RTN1: variants seen among roughly 807,000 people sequenced by gnomAD.
RTN1 encodes the protein reticulon 1.
RTN1 carries 25 observed loss-of-function variants against 65.5 expected under a neutral mutation model. The observed-to-expected ratio is 0.38, with a 90% confidence interval of 0.28 to 0.53. The LOEUF (loss-of-function observed/expected upper bound fraction) is 0.53. RTN1 is among the 20% of genes least tolerant of loss of function. The probability of loss-of-function intolerance (pLI) is 0.79; values close to 1 mark genes in which losing one functional copy is unlikely to be tolerated. For synonymous variants in RTN1, 471 were observed against 447.6 expected, an observed-to-expected ratio of 1.05 and a Z score of -0.66; for missense variants, 983 against 1,025.4, an observed-to-expected ratio of 0.96 and a Z score of 0.57.
intron 1 of RTN1, among the ~76,000 whole-genome samples, chr14:59,770,781 G>A (rs148831780): frequency 6.6e-5 from 10 of 152,192 alleles, no homozygotes; most frequent in Admixed American, 3.9e-4. Flanking sequence ...TTGGCCGGGC[G>A]CAATGGCTCA....
chr14:59,693,402 AC>A (rs1205605709), intron 3 of RTN1, among the ~76,000 whole-genome samples: 1 of 152,096 alleles, frequency 6.6e-6, no homozygotes, highest in Non-Finnish European at 1.5e-5. Flanking sequence ...GTGTTTGGTT[AC>A]ATGAATAAGA....
At chr14:59,700,475 C>G (rs1487871241) in intron 3 of RTN1, among the ~76,000 whole-genome samples, 8 of 152,120 alleles carry the variant, frequency 5.3e-5, no homozygotes, top group Non-Finnish European at 1.0e-4. Flanking sequence ...ATTTCACTTA[C>G]TACAAAGCTA....
At chr14:59,724,473 G>A (rs991877059) in intron 3 of RTN1, among the ~76,000 whole-genome samples, 15 of 152,208 alleles carry the variant, frequency 9.9e-5, no homozygotes, top group African/African-American at 3.4e-4. Flanking sequence ...AAGCTTCAGT[G>A]GACAAGAGCA....
At chr14:59,709,133 C>T (rs553833969) in intron 3 of RTN1, among the ~76,000 whole-genome samples, 38 of 151,708 alleles carry the variant, frequency 2.5e-4, no homozygotes, top group African/African-American at 9.2e-4. Flanking sequence ...AAGAAAATGT[C>T]CTATTTTTAG....
At chr14:59,744,983 A>G (rs1415150224) in intron 2 of RTN1, among the ~76,000 whole-genome samples, 1 of 152,216 alleles carries the variant, frequency 6.6e-6, no homozygotes, top group East Asian at 1.9e-4. Context: ...CGAAATATTG[A>G]ACGATGAAGG....
intron 2 of RTN1, among the ~76,000 whole-genome samples, chr14:59,736,213 A>G (rs1884998695): frequency 6.6e-6 from 1 of 152,036 alleles, no homozygotes; most frequent in Non-Finnish European, 1.5e-5. Context: ...GACATGAAAA[A>G]CCCTTTAAAA....
intron 3 of RTN1, among the ~76,000 whole-genome samples, chr14:59,723,683 T>TAAG (rs773184835): frequency 5.8e-4 from 88 of 152,302 alleles, no homozygotes; most frequent in Middle Eastern, 3.4e-3. Flanking sequence ...TTAAAGTGTA[T>TAAG]AAGAATCACA....
rs58662884 is a variant in RTN1 at position 59,845,913 on chromosome 14, GA to G, written c.241+24476del. On this transcript the variant is annotated intron_variant, in intron 1 of 8. Transcript: ENST00000267484. ...ATTCTACATAGAACATGCTAGAGGA[GA>G]AAAAAAAAATCCTAAATTCCAGCAT... Among the ~76,000 whole-genome samples the G allele has an allele frequency of 2.0e-3, 295 of 148,950 alleles. 4 individuals are homozygous for G. Among genetic ancestry groups the G allele is most frequent in the Admixed American group, 9.4e-4 (14 of 14,960 alleles).
chr14:59,762,613 T>C (rs141644546), intron 1 of RTN1, among the ~76,000 whole-genome samples: 80 of 152,330 alleles, frequency 5.3e-4, no homozygotes, highest in Non-Finnish European at 9.1e-4. Context: ...TGTGGCAGGC[T>C]TCTTAAGCTA....
chr14:59,668,696 T>C (rs186462963), intron 3 of RTN1, among the ~76,000 whole-genome samples: 184 of 152,238 alleles, frequency 1.2e-3, no homozygotes, highest in African/African-American at 4.2e-3. Flanking sequence ...ATTTTTGCAA[T>C]CTACCCATCT....
At chr14:59,726,789 AC>A in intron 3 of RTN1, 129 bp downstream of exon 3, 1 of 783,200 alleles carries the variant, frequency 1.3e-6, no homozygotes, top group Non-Finnish European at 2.0e-6. Context: ...CCCCCCTGGA[AC>A]CGTTCTCTGG....
intron 3 of RTN1, among the ~76,000 whole-genome samples, chr14:59,644,744 G>A (rs1422129720): frequency 6.6e-6 from 1 of 152,184 alleles, no homozygotes; most frequent in Non-Finnish European, 1.5e-5. Flanking sequence ...CCCAGAGGGA[G>A]GGGCAGGCTG....
chr14:59,745,042 G>C (rs556387484), intron 2 of RTN1, among the ~76,000 whole-genome samples: 1 of 152,276 alleles, frequency 6.6e-6, no homozygotes, highest in South Asian at 2.1e-4. Context: ...ATGGATTAAA[G>C]AGTTAACGGA....
At chr14:59,708,698 C>T (rs2182138) in intron 3 of RTN1, among the ~76,000 whole-genome samples, 29,006 of 152,102 alleles carry the variant, frequency 0.19, 2,889 homozygotes, top group South Asian at 0.28. Context: ...AAAAAGGAGC[C>T]ACGGAATGCT....
At chr14:59,665,334 C>A (rs1047311296) in intron 3 of RTN1, among the ~76,000 whole-genome samples, 1 of 152,082 alleles carries the variant, frequency 6.6e-6, no homozygotes, top group African/African-American at 2.4e-5. Context: ...TCATAACCAG[C>A]CAAACTAAGC....
chr14:59,857,096 G>A (rs1887622037), intron 1 of RTN1, among the ~76,000 whole-genome samples: 1 of 152,122 alleles, frequency 6.6e-6, no homozygotes, highest in South Asian at 2.1e-4. Flanking sequence ...AATAATAGGA[G>A]TACCTGTATT....
At position 59,825,913 on chromosome 14, in the gene RTN1, T is replaced by C. The variant is rs983781650; in HGVS notation, c.241+44477A>G. Among the ~76,000 whole-genome samples the C allele has an allele frequency of 1.3e-5, 2 of 152,196 alleles. No homozygotes were observed. The highest frequency in any genetic ancestry group is 4.8e-5 in the African/African-American group (2 of 41,458). On this transcript the variant is annotated intron_variant, in intron 1 of 8. Transcript: ENST00000267484. The surrounding 1 kb of genome is among the most constrained non-coding windows in gnomAD (Gnocchi z 4.2). The stretch of plus-strand genomic sequence containing the variant: ...ATGGTGTGAGGAGGGACCTAACAGT[T>C]TGTGGTACCCATTCCCAGTACCCTA...
intron 3 of RTN1, among the ~76,000 whole-genome samples, chr14:59,654,349 A>G (rs1371096153): frequency 6.6e-6 from 1 of 150,962 alleles, no homozygotes; most frequent in Admixed American, 6.6e-5. Flanking sequence ...AATTGTTTGA[A>G]CCCGGGCAGG....
intron 3 of RTN1, among the ~76,000 whole-genome samples, chr14:59,694,927 T>C (rs1342510527): frequency 6.6e-6 from 1 of 152,204 alleles, no homozygotes; most frequent in Non-Finnish European, 1.5e-5. Context: ...GGTTCCAGTG[T>C]GGACAGCAAA....
Sources: allele counts gnomAD v4.1 joint callset (sites outside exome capture counted in the v4.1 genomes callset), GRCh38; gene constraint gnomAD v4.1.1; non-coding constraint Gnocchi (gnomAD v3.1); transcripts MANE v1.5; gene names NCBI Gene and HGNC (gene_info 2026-07-23, HGNC 2026-07-21).